Variants in STK32C observed in about 807,000 individuals in gnomAD.
The protein encoded by STK32C is serine/threonine kinase 32C, also known as serine/threonine-protein kinase 32C.
STK32C carries 31 observed loss-of-function variants against 56.5 expected under a neutral mutation model. The ratio of observed to expected loss-of-function variants is 0.55; its 90% confidence interval spans 0.41 to 0.74. The LOEUF (loss-of-function observed/expected upper bound fraction) is 0.74, where lower values mean the gene tolerates loss of function less well. STK32C is among the 30% of genes least tolerant of loss of function. The pLI is 0.00. For synonymous variants in STK32C, 309 were observed against 289.4 expected, an observed-to-expected ratio of 1.07 and a Z score of -0.69; for missense variants, 544 against 676.9, an observed-to-expected ratio of 0.80 and a Z score of 2.18.
chr10:132,213,171 C>CAAAGG (rs1016051041), intron 10 of STK32C, among the ~76,000 whole-genome samples: 1 of 152,240 alleles, frequency 6.6e-6, no homozygotes, highest in African/African-American at 2.4e-5. Context: ...ATTTGCTCTC[C>CAAAGG]AAAGGAAAGG....
At chr10:132,213,578 C>A (rs1240675673) in intron 10 of STK32C, among the ~76,000 whole-genome samples, 2 of 152,220 alleles carry the variant, frequency 1.3e-5, no homozygotes, top group African/African-American at 2.4e-5. Flanking sequence ...CTCTTATTAC[C>A]AGATACATCA....
intron 1 of STK32C, among the ~76,000 whole-genome samples, chr10:132,298,475 G>A (rs1019803436): frequency 6.6e-6 from 1 of 152,184 alleles, no homozygotes; most frequent in Non-Finnish European, 1.5e-5. Context: ...TCCGATGCGG[G>A]GTCCAGCTCC....
chr10:132,228,152 C>T (rs2062960715), intron 2 of STK32C, 24 bp from the exon 3 acceptor site: 1 of 1,613,730 alleles, frequency 6.2e-7, no homozygotes. Context: ...GGCTGTTCGG[C>T]AGGACGCCTG....
Position 132,213,715 on chromosome 10 carries a change from G to A in STK32C, c.1252-4614C>T, listed in dbSNP as rs2062385390. Among the ~76,000 whole-genome samples the A allele has an allele frequency of 2.0e-5, 3 of 152,174 alleles. No homozygotes were observed. In the South Asian group the frequency reaches 6.2e-4, roughly 32 times the overall value. ...GCACCCATGTTGGAATTATCAAACA[G>A]GAAATTTGAAATAACTGTGATTAAT... On this transcript the variant is annotated intron_variant, in intron 10 of 11. Coordinates refer to ENST00000298630, the MANE Select transcript of STK32C (RefSeq NM_173575.4).
intron 1 of STK32C, among the ~76,000 whole-genome samples, chr10:132,299,690 A>G (rs992104623): frequency 6.6e-6 from 1 of 152,262 alleles, no homozygotes; most frequent in Non-Finnish European, 1.5e-5. Context: ...CCTAGCCCAC[A>G]GCATCGTGAG....
intron 1 of STK32C, among the ~76,000 whole-genome samples, chr10:132,297,308 G>A (rs753196893): frequency 5.3e-5 from 8 of 152,138 alleles, no homozygotes; most frequent in Admixed American, 2.6e-4. Context: ...CCACCCCACC[G>A]GTGCCTCCGC....
chr10:132,276,309 G>A (rs11146305), intron 1 of STK32C, among the ~76,000 whole-genome samples: 32,013 of 152,146 alleles, frequency 0.21, 4,159 homozygotes, highest in Non-Finnish European at 0.31. Flanking sequence ...GGCATCAGGC[G>A]CGTGATCCTA....
chr10:132,278,609 A>G (rs1690854606), intron 1 of STK32C, among the ~76,000 whole-genome samples: 1 of 152,002 alleles, frequency 6.6e-6, no homozygotes, highest in African/African-American at 2.4e-5. Flanking sequence ...AAAATAGAAA[A>G]AATTAGCCGG....
chr10:132,247,070 A>T (rs961975736), intron 1 of STK32C, among the ~76,000 whole-genome samples: 4 of 152,238 alleles, frequency 2.6e-5, no homozygotes, highest in African/African-American at 9.6e-5. Flanking sequence ...CCCCCTACAC[A>T]CATGGTTATT....
chr10:132,294,782 C>A (rs1426441107), intron 1 of STK32C, among the ~76,000 whole-genome samples: 3 of 151,992 alleles, frequency 2.0e-5, no homozygotes, highest in African/African-American at 2.4e-5. Context: ...CCCCAGAGCC[C>A]CGGGTTCTGT....
rs775608230 is a variant in STK32C, at chr10:132,207,754, C to T, written c.*256G>A. 26 of 376,016 alleles carry T rather than the reference C, an allele frequency of 6.9e-5. No homozygotes were observed. The highest frequency in any genetic ancestry group is 9.7e-5 in the Non-Finnish European group (21 of 217,254). 23.3% of individuals were successfully genotyped at this position (376,016 alleles called of 1,614,324 possible). ...CAGCTCCCCGTGAGCGGTAAGAGGG[C>T]GCCCAGCAGCGCTTCCTCCATCTAG... is the stretch of plus-strand genomic sequence containing the variant. On this transcript the variant is annotated 3_prime_UTR_variant, in exon 12 of 12. Coordinates refer to ENST00000298630, the MANE Select transcript of STK32C (RefSeq NM_173575.4).
downstream of STK32C, among the ~76,000 whole-genome samples, chr10:132,323,550 G>A (rs568962706): frequency 2.0e-5 from 3 of 152,292 alleles, no homozygotes; most frequent in South Asian, 2.1e-4. The surrounding 1 kb of genome is among the most constrained non-coding windows in gnomAD (Gnocchi z 4.8). Flanking sequence ...CCTCAGAGAC[G>A]TCCATGTCTG....
chr10:132,307,761 G>C lies in STK32C; in HGVS notation c.73C>G (p.Arg25Gly). The change falls in exon 1 of 12, where the codon CGC becomes GGC. Residue 25 changes from arginine to glycine, a missense_variant. Coordinates refer to ENST00000298630, the MANE Select transcript of STK32C (RefSeq NM_173575.4). This position sits in a 1 kb window ranked among gnomAD's most constrained non-coding sequence, Gnocchi z 4.4. Reference sequence around the variant, plus strand: ...GAGGGCGCGTCGGAGCCGGCGGGGCGCGCGCGGCCGGGGGGCGGCGAGCCC... The same window carrying C: ...GAGGGCGCGTCGGAGCCGGCGGGGCCCGCGCGGCCGGGGGGCGGCGAGCCC... Reference protein sequence around the residue: ...SPGSPPPGRARPAGSDAPSAL... With the variant: ...SPGSPPPGRAGPAGSDAPSAL... 1 of 1,005,976 alleles carries C rather than the reference G, an allele frequency of 9.9e-7. No individual in the cohort carries two copies. The allele number at this position is 1,005,976 out of a possible 1,614,324, so 62.3% of individuals were successfully genotyped here.
rs2062673126 is a variant in STK32C, at chr10:132,221,813, C to T, written c.1251+828G>A. ...GGCTTCATGTGGCCATCCCTGCACA[C>T]ACTCACAACTGACATCAACGCACCT... On this transcript the variant is annotated intron_variant, in intron 10 of 11. Coordinates refer to ENST00000298630, the MANE Select transcript of STK32C (RefSeq NM_173575.4). 2.9e-5 allele frequency among the ~76,000 whole-genome samples: 4 copies of T among 138,150 alleles called. No homozygotes were observed. The Admixed American group carries it at 2.9e-4, about 10-fold the overall frequency. The allele number at this position is 138,150 out of a possible 152,430, so 90.6% of individuals were successfully genotyped here. A position where few individuals can be genotyped will look rare whatever the true frequency, so the allele number is the denominator to read the frequency against.
At chr10:132,277,080 A>C (rs2065015905) in intron 1 of STK32C, among the ~76,000 whole-genome samples, 1 of 152,226 alleles carries the variant, frequency 6.6e-6, no homozygotes, top group Non-Finnish European at 1.5e-5. Context: ...TTCTAGACAG[A>C]GTGTAAGACT....
intron 1 of STK32C, among the ~76,000 whole-genome samples, chr10:132,303,138 G>C (rs557623305): frequency 3.6e-4 from 55 of 152,348 alleles, no homozygotes; most frequent in Admixed American, 6.5e-4. Flanking sequence ...CAGCCTGCCT[G>C]GGGCTCTGCG....
intron 1 of STK32C, among the ~76,000 whole-genome samples, chr10:132,288,241 A>T (rs2065468464): frequency 6.6e-6 from 1 of 152,234 alleles, no homozygotes; most frequent in Non-Finnish European, 1.5e-5. Context: ...AACAGCTATA[A>T]AACTTCTAGA....
At chr10:132,289,678 C>T (rs2065509421) in intron 1 of STK32C, among the ~76,000 whole-genome samples, 1 of 152,230 alleles carries the variant, frequency 6.6e-6, no homozygotes, top group South Asian at 2.1e-4. Context: ...TCCTAAACAG[C>T]TGTCTTCTCT....
chr10:132,307,563 C>T lies in STK32C; in HGVS notation c.262+9G>A. On this transcript the variant is annotated intron_variant, in intron 1 of 11. Coordinates refer to ENST00000298630, the MANE Select transcript of STK32C (RefSeq NM_173575.4). The surrounding 1 kb of genome is among the most constrained non-coding windows in gnomAD (Gnocchi z 4.4). ...GCGGCCCCCACGTCGTCCCCGTGCC[C>T]GCACTCACCGTCCTCCTTGTCGTCA... The T allele has an allele frequency of 6.5e-7, 1 of 1,548,256 alleles. No homozygotes were observed. Among genetic ancestry groups the T allele is most frequent in the South Asian group, 1.2e-5 (1 of 85,948 alleles).
Sources: allele counts gnomAD v4.1 joint callset (sites outside exome capture counted in the v4.1 genomes callset), GRCh38; gene constraint gnomAD v4.1.1; non-coding constraint Gnocchi (gnomAD v3.1); transcripts MANE v1.5; gene names NCBI Gene and HGNC (gene_info 2026-07-23, HGNC 2026-07-21).